ZNF469: variants seen among roughly 807,000 people sequenced by gnomAD.
ZNF469 encodes the protein zinc finger protein 469.
In ZNF469, 1 loss-of-function variant was observed where a neutral mutation model predicts 1.0. The observed-to-expected ratio is 1.00, with a 90% CI of 0.35 to 4.73. The LOEUF (loss-of-function observed/expected upper bound fraction) is 4.73. Ranked by LOEUF, ZNF469 falls within the 30% of genes most tolerant of loss-of-function variation. The pLI, the probability that ZNF469 is intolerant of heterozygous loss-of-function variation, is 0.16. For missense variants in ZNF469, 6,100 were observed against 5,356.3 expected, an observed-to-expected ratio of 1.14 and a Z score of -4.33; for synonymous variants, 2,703 against 2,363.4, an observed-to-expected ratio of 1.14 and a Z score of -4.17.
chr16:88,262,477 T>A, the ZNF469 span, among the ~76,000 whole-genome samples: 49 of 152,278 alleles, frequency 3.2e-4, no homozygotes, highest in Middle Eastern at 0.01. The surrounding 1 kb of genome is among the most constrained non-coding windows in gnomAD (Gnocchi z 4.3). Flanking sequence ...AGGTCACGGA[T>A]GGCTGCAAAT....
chr16:88,281,841 G>A, the ZNF469 span, among the ~76,000 whole-genome samples: 15 of 152,182 alleles, frequency 9.9e-5, no homozygotes, highest in African/African-American at 3.1e-4. Context: ...CCATGCTGAC[G>A]CTTGGTCAGT....
chr16:88,274,223 A>G, the ZNF469 span, among the ~76,000 whole-genome samples: 3 of 152,200 alleles, frequency 2.0e-5, no homozygotes, highest in African/African-American at 7.2e-5. Flanking sequence ...TCTAATACCC[A>G]TGGTGTGAGG....
At chr16:88,274,296 T>A in the ZNF469 span, among the ~76,000 whole-genome samples, 2 of 152,138 alleles carry the variant, frequency 1.3e-5, no homozygotes, top group African/African-American at 4.8e-5. Context: ...AGAGTTTCAG[T>A]TGGAAAGCTG....
the ZNF469 span, among the ~76,000 whole-genome samples, chr16:88,357,677 G>T: frequency 1.3e-5 from 2 of 152,234 alleles, no homozygotes; most frequent in Non-Finnish European, 2.9e-5. Flanking sequence ...TCCGAAGCAC[G>T]CCAAGTCTGT....
At chr16:88,405,158 C>T (rs1904992215) in intron 1 of ZNF469, among the ~76,000 whole-genome samples, 1 of 152,114 alleles carries the variant, frequency 6.6e-6, no homozygotes, top group South Asian at 2.1e-4. Context: ...CAGATGTCCA[C>T]ACAGAGGGGA....
At chr16:88,169,623 C>G in the ZNF469 span, among the ~76,000 whole-genome samples, 1 of 152,240 alleles carries the variant, frequency 6.6e-6, no homozygotes, top group African/African-American at 2.4e-5. The surrounding 1 kb of genome is among the most constrained non-coding windows in gnomAD (Gnocchi z 6.1). Flanking sequence ...GACGTTTGGG[C>G]TGATTCCGGG....
the ZNF469 span, among the ~76,000 whole-genome samples, chr16:88,330,217 C>T: frequency 5.3e-5 from 8 of 152,254 alleles, no homozygotes; most frequent in South Asian, 2.1e-4. Context: ...CACTTGCACA[C>T]GGGACCTGTG....
chr16:88,413,432 G>A (rs867153243), intron 1 of ZNF469, among the ~76,000 whole-genome samples: 1 of 152,244 alleles, frequency 6.6e-6, no homozygotes, highest in African/African-American at 2.4e-5. Context: ...GCCGAGGCCC[G>A]GCGCACCGTG....
At chr16:88,115,425 G>A in the ZNF469 span, among the ~76,000 whole-genome samples, 6 of 151,932 alleles carry the variant, frequency 3.9e-5, no homozygotes, top group East Asian at 7.8e-4. Context: ...GGTCACCGCC[G>A]TGCACCCCTC....
Position 88,431,307 on chromosome 16 carries a change from G to A in ZNF469, c.3837G>A (p.Lys1279=), listed in dbSNP as rs1382026595. 7 of 1,549,912 alleles carry A rather than the reference G, an allele frequency of 4.5e-6. No homozygotes were observed. The highest frequency in any genetic ancestry group is 6.1e-6 in the Non-Finnish European group (7 of 1,146,832). ...PPSRHDTGTP[K]PSGSLANTAP... is the part of the protein sequence containing the mutation. ...GCAGACATGACACCGGCACCCCCAA[G>A]CCGTCGGGAAGCCTCGCCAACACGG... The change falls in exon 3 of 3, where the codon AAG becomes AAA. Residue 1279 remains lysine (K), a synonymous_variant. Transcript: ENST00000565624.
the ZNF469 span, among the ~76,000 whole-genome samples, chr16:88,334,790 CAT>C: frequency 2.0e-5 from 3 of 151,232 alleles, no homozygotes; most frequent in Admixed American, 6.6e-5. Flanking sequence ...GGAGGACACA[CAT>C]GTGATGGATA....
chr16:88,123,253 C>A, the ZNF469 span, among the ~76,000 whole-genome samples: 1 of 152,186 alleles, frequency 6.6e-6, no homozygotes, highest in East Asian at 1.9e-4. Context: ...TCCATGGAGT[C>A]GGGCAGCATG....
the ZNF469 span, among the ~76,000 whole-genome samples, chr16:88,296,559 C>G: frequency 5.5e-3 from 832 of 151,946 alleles, 3 homozygotes; most frequent in Middle Eastern, 0.058. Flanking sequence ...TATGCACACT[C>G]ACGTGCTCAC....
chr16:88,301,162 C>CT, the ZNF469 span, among the ~76,000 whole-genome samples: 84,710 of 149,678 alleles, frequency 0.57, 24,987 homozygotes, highest in East Asian at 0.76. Context: ...CCACACTTTT[C>CT]TTTTTTTTTT....
At chr16:88,111,682 G>A in the ZNF469 span, among the ~76,000 whole-genome samples, 3 of 152,184 alleles carry the variant, frequency 2.0e-5, no homozygotes, top group East Asian at 5.8e-4. Flanking sequence ...CTGTCACCAG[G>A]CTGGAGTGCA....
chr16:88,222,571 A>AGTAG, the ZNF469 span, among the ~76,000 whole-genome samples: 1 of 152,320 alleles, frequency 6.6e-6, no homozygotes, highest in Admixed American at 6.5e-5. Flanking sequence ...CAGCCTGACC[A>AGTAG]ACATGGAGAA....
the ZNF469 span, among the ~76,000 whole-genome samples, chr16:88,338,935 T>C: frequency 6.6e-6 from 1 of 152,014 alleles, no homozygotes; most frequent in Admixed American, 6.5e-5. Context: ...CATTTGTCTC[T>C]TTTTGAAGTT....
chr16:88,184,208 C>T, the ZNF469 span, among the ~76,000 whole-genome samples: 224 of 152,226 alleles, frequency 1.5e-3, 1 homozygote, highest in Admixed American at 2.5e-3. Flanking sequence ...TAACTCAGCT[C>T]CGTGCCAGGG....
the ZNF469 span, among the ~76,000 whole-genome samples, chr16:88,321,977 A>T: frequency 1.3e-5 from 2 of 152,210 alleles, no homozygotes; most frequent in African/African-American, 4.8e-5. Flanking sequence ...ACTCAACAGC[A>T]AAGACCCTAG....
Sources: allele counts gnomAD v4.1 joint callset (sites outside exome capture counted in the v4.1 genomes callset), GRCh38; gene constraint gnomAD v4.1.1; non-coding constraint Gnocchi (gnomAD v3.1); transcripts MANE v1.5; gene names NCBI Gene and HGNC (gene_info 2026-07-23, HGNC 2026-07-21).